DPP6: variants seen among roughly 807,000 people sequenced by gnomAD.
DPP6 encodes the protein A-type potassium channel modulatory protein DPP6.
Under a neutral mutation model 122.6 loss-of-function variants are expected in DPP6, and 69 were observed. The ratio of observed to expected loss-of-function variants is 0.56; its 90% CI spans 0.46 to 0.69. The LOEUF (loss-of-function observed/expected upper bound fraction) is 0.69. DPP6 is among the 30% of genes least tolerant of loss of function. DPP6 has a pLI of 0.00. For synonymous variants in DPP6, 418 were observed against 433.1 expected (o/e 0.97, Z 0.43); for missense variants, 928 against 1,116.9 (o/e 0.83, Z 2.41).
chr7:154,840,264 C>T (rs1484323694), intron 16 of DPP6, among the ~76,000 whole-genome samples: 1 of 152,212 alleles, frequency 6.6e-6, no homozygotes, highest in Non-Finnish European at 1.5e-5. Context: ...ACACACCCAG[C>T]AGGTGGCCAT....
intron 13 of DPP6, among the ~76,000 whole-genome samples, chr7:154,802,573 T>C (rs148338842): frequency 6.6e-6 from 1 of 152,326 alleles, no homozygotes; most frequent in East Asian, 1.9e-4. Flanking sequence ...GATTTTAAAA[T>C]GCTGGCCAGG....
exon 1 of DPP6, chr7:153,887,458 A>C (rs1364220384): frequency 4.3e-6 from 2 of 464,296 alleles, no homozygotes; most frequent in Non-Finnish European, 3.9e-6. Flanking sequence ...TTCTTTCTTT[A>C]TTGGTAGCGG....
At chr7:154,549,023 A>C (rs186683167) in intron 4 of DPP6, among the ~76,000 whole-genome samples, 47 of 152,282 alleles carry the variant, frequency 3.1e-4, no homozygotes, top group Admixed American at 1.0e-3. Flanking sequence ...GGGGCTTGAA[A>C]AGTTGTGGCT....
At chr7:154,636,039 T>G (rs1438593810) in intron 5 of DPP6, among the ~76,000 whole-genome samples, 1 of 152,208 alleles carries the variant, frequency 6.6e-6, no homozygotes, top group South Asian at 2.1e-4. Flanking sequence ...CCTCCTCTCC[T>G]CTTCCCCCTT....
chr7:154,386,970 T>C (rs1284438966), intron 1 of DPP6, among the ~76,000 whole-genome samples: 1 of 151,838 alleles, frequency 6.6e-6, no homozygotes, highest in Non-Finnish European at 1.5e-5. Flanking sequence ...GCGTGCAGGG[T>C]GCAGAAACCA....
At chr7:154,315,453 G>T (rs1308027169) in intron 1 of DPP6, among the ~76,000 whole-genome samples, 1 of 152,026 alleles carries the variant, frequency 6.6e-6, no homozygotes, top group Non-Finnish European at 1.5e-5. Context: ...ACAATTTTTT[G>T]AGTTCCTAAG....
chr7:153,774,234 G>A, the DPP6 span, among the ~76,000 whole-genome samples: 1 of 152,124 alleles, frequency 6.6e-6, no homozygotes, highest in Admixed American at 6.5e-5. Context: ...CTACAAGTCC[G>A]AAGGCTTTTA....
chr7:153,966,313 G>A (rs1215833841), intron 1 of DPP6, among the ~76,000 whole-genome samples: 1 of 151,370 alleles, frequency 6.6e-6, no homozygotes, highest in Non-Finnish European at 1.5e-5. Context: ...GTTCATGTGT[G>A]TGTAAATGGG....
intron 1 of DPP6, among the ~76,000 whole-genome samples, chr7:153,973,167 G>A (rs879515919): frequency 4.6e-5 from 7 of 152,012 alleles, no homozygotes; most frequent in East Asian, 1.9e-4. Context: ...ACAATAAAAC[G>A]GATATGGTTT....
chr7:153,810,029 C>T, the DPP6 span, among the ~76,000 whole-genome samples: 98 of 139,138 alleles, frequency 7.0e-4, no homozygotes, highest in Middle Eastern at 3.5e-3. Context: ...CTGAAGAACA[C>T]GTTTTGGATC....
intron 1 of DPP6, among the ~76,000 whole-genome samples, chr7:154,274,650 G>GTT (rs147420343): frequency 5.3e-4 from 81 of 151,962 alleles, no homozygotes; most frequent in African/African-American, 1.8e-3. Flanking sequence ...TGCAAAATAC[G>GTT]TTTTTTTTCT....
chr7:154,738,541 G>A (rs1842675095), intron 8 of DPP6, among the ~76,000 whole-genome samples: 3 of 152,178 alleles, frequency 2.0e-5, no homozygotes, highest in Non-Finnish European at 2.9e-5. Flanking sequence ...GTCAATCCCG[G>A]AATATTCTTC....
intron 1 of DPP6, among the ~76,000 whole-genome samples, chr7:154,313,685 G>GTGTGTATA: frequency 4.9e-5 from 1 of 20,468 alleles, no homozygotes; most frequent in Non-Finnish European, 1.1e-4. Flanking sequence ...TTAAGATATG[G>GTGTGTATA]TATATATATA....
At chr7:153,801,056 T>C in the DPP6 span, among the ~76,000 whole-genome samples, 6 of 151,206 alleles carry the variant, frequency 4.0e-5, no homozygotes, top group South Asian at 1.3e-3. Context: ...AGAGCTTATG[T>C]ATAAACTGCA....
Position 154,105,501 on chromosome 7 carries a change from T to A in DPP6, c.243+52438T>A, listed in dbSNP as rs114706343. Among the ~76,000 whole-genome samples the A allele has an allele frequency of 6.7e-3, 1,017 of 152,300 alleles. 20 individuals carry two copies. The highest frequency in any genetic ancestry group is 0.024 in the African/African-American group (987 of 41,548). On this transcript the variant is annotated intron_variant, in intron 1 of 25. Coordinates refer to ENST00000377770, the MANE Select transcript of DPP6 (RefSeq NM_130797.4). ...CACCACAGCCCTGTTTGAGGTCCTT[T>A]GAACTCACAGTTTTAGAAAAGGTCA...
At chr7:154,042,496 C>T (rs1799815365) in intron 1 of DPP6, among the ~76,000 whole-genome samples, 1 of 152,146 alleles carries the variant, frequency 6.6e-6, no homozygotes, top group African/African-American at 2.4e-5. Flanking sequence ...AAGCTTTTCT[C>T]AGTGTTCGGT....
At chr7:154,396,819 C>T (rs1426331030) in intron 1 of DPP6, among the ~76,000 whole-genome samples, 1 of 152,156 alleles carries the variant, frequency 6.6e-6, no homozygotes, top group Non-Finnish European at 1.5e-5. Context: ...GTGGCATGCA[C>T]CTATAATGCC....
intron 1 of DPP6, among the ~76,000 whole-genome samples, chr7:153,959,500 GT>G (rs1217464136): frequency 3.9e-5 from 6 of 152,362 alleles, no homozygotes; most frequent in Admixed American, 3.9e-4. Context: ...ACTTTTTCTT[GT>G]GCAGCTTCTC....
chr7:153,996,625 GGTGT>G (rs1489355802), intron 1 of DPP6, among the ~76,000 whole-genome samples: 1 of 151,430 alleles, frequency 6.6e-6, no homozygotes, highest in Non-Finnish European at 1.5e-5. Context: ...CAGAATGTAG[GGTGT>G]GTATTTTCCC....
Sources: allele counts gnomAD v4.1 joint callset (sites outside exome capture counted in the v4.1 genomes callset), GRCh38; gene constraint gnomAD v4.1.1; transcripts MANE v1.5; gene names NCBI Gene and HGNC (gene_info 2026-07-23, HGNC 2026-07-21).